RCAN1: variants seen among roughly 807,000 people sequenced by gnomAD.
The protein encoded by RCAN1 is calcipressin-1.
RCAN1 carries 11 observed loss-of-function variants against 22.9 expected under a neutral mutation model. The ratio of observed to expected loss-of-function variants is 0.48; its 90% confidence interval spans 0.30 to 0.79. The LOEUF (loss-of-function observed/expected upper bound fraction) is 0.79. Among genes scored for constraint, RCAN1 ranks in the 30% least tolerant of loss-of-function variants. The probability of loss-of-function intolerance (pLI) is 0.06; values close to 1 mark genes in which losing one functional copy is unlikely to be tolerated. For missense variants in RCAN1, 291 were observed against 337.8 expected, an observed-to-expected ratio of 0.86 and a Z score of 1.09; for synonymous variants, 136 against 142.3, an observed-to-expected ratio of 0.96 and a Z score of 0.32.
At chr21:34,576,379 T>C (rs2123690495) in intron 1 of RCAN1, among the ~76,000 whole-genome samples, 1 of 152,278 alleles carries the variant, frequency 6.6e-6, no homozygotes, top group Non-Finnish European at 1.5e-5. Context: ...ACGGCAGGGA[T>C]CTGGACAGCT....
chr21:34,551,904 T>G (rs1265489862), intron 1 of RCAN1, among the ~76,000 whole-genome samples: 1 of 152,156 alleles, frequency 6.6e-6, no homozygotes, highest in Non-Finnish European at 1.5e-5. Flanking sequence ...GTCCAGTCAA[T>G]GGAGAAAGGA....
At chr21:34,610,316 A>C (rs545115073) in intron 1 of RCAN1, among the ~76,000 whole-genome samples, 163 of 152,332 alleles carry the variant, frequency 1.1e-3, no homozygotes, top group African/African-American at 3.8e-3. Flanking sequence ...GGCCAAGTGC[A>C]TGATCTGCCG....
At chr21:34,547,523 A>C (rs1048748453) in intron 1 of RCAN1, among the ~76,000 whole-genome samples, 26 of 152,230 alleles carry the variant, frequency 1.7e-4, no homozygotes, top group Admixed American at 5.2e-4. Flanking sequence ...CCTAACACCC[A>C]GTGCAATGGT....
chr21:34,531,071 GT>G (rs2123602903), intron 1 of RCAN1, among the ~76,000 whole-genome samples: 1 of 152,280 alleles, frequency 6.6e-6, no homozygotes, highest in Admixed American at 6.5e-5. Context: ...TAAGGAGAAG[GT>G]TCTTATTCTC....
chr21:34,593,516 C>T (rs762980068), intron 1 of RCAN1, among the ~76,000 whole-genome samples: 1 of 152,232 alleles, frequency 6.6e-6, no homozygotes, highest in African/African-American at 2.4e-5. Flanking sequence ...GGCTAGCACA[C>T]CTGCCACCTT....
Position 34,518,633 on chromosome 21 carries a change from T to A in RCAN1, c.587-377A>T, listed in dbSNP as rs1984229724. On this transcript the variant is annotated intron_variant, in intron 3 of 3. Coordinates refer to ENST00000313806, the MANE Select transcript of RCAN1 (RefSeq NM_004414.7). The surrounding 1 kb of genome is among the most constrained non-coding windows in gnomAD (Gnocchi z 4.2). ...AACTTCGGTTCAGGAAAAAGATGGA[T>A]GAAGAAACGTATTTGGAAACAGAAC... 6.6e-6 allele frequency among the ~76,000 whole-genome samples: 1 copy of A among 152,200 alleles called. No homozygotes were observed. Among genetic ancestry groups the A allele is most frequent in the Non-Finnish European group, 1.5e-5 (1 of 68,030 alleles).
rs543543325 is a variant in RCAN1 at position 34,563,819 on chromosome 21, A to AGAGAGAGAGAGAGG, written c.253-40110_253-40109insCCTCTCTCTCTCTC. ...TAGAGAGAGAGAGAGAGAGAGAGAG[A>AGAGAGAGAGAGAGG]GGCAGGCATGGTGGCAGGTGCCTAT... On this transcript the variant is annotated intron_variant, in intron 1 of 3. Coordinates refer to ENST00000313806, the MANE Select transcript of RCAN1 (RefSeq NM_004414.7). 7.2e-5 allele frequency among the ~76,000 whole-genome samples: 10 copies of AGAGAGAGAGAGAGG among 138,784 alleles called. No individual in the cohort carries two copies. The South Asian group carries it at 1.2e-3, about 17-fold the overall frequency. 91.0% of individuals were successfully genotyped at this position (138,784 alleles called of 152,430 possible).
chr21:34,614,638 G>A lies in RCAN1; in HGVS notation c.252+122C>T, dbSNP rs1188978578. The stretch of plus-strand genomic sequence containing the variant: ...TGACGGGTCCGCGGCCGAGCAGCCC[G>A]GGGGACGTCGCTGCCTCCCCGCCCC... On this transcript the variant is annotated intron_variant, in intron 1 of 3. Transcript: ENST00000313806. This position sits in a 1 kb window ranked among gnomAD's most constrained non-coding sequence, Gnocchi z 6.0. 8 of 1,112,682 alleles carry A rather than the reference G, an allele frequency of 7.2e-6. No individual in the cohort carries two copies. The highest frequency in any genetic ancestry group is 8.9e-6 in the Non-Finnish European group (8 of 902,210). 68.9% of individuals were successfully genotyped at this position (1,112,682 alleles called of 1,614,324 possible). A position where few individuals can be genotyped will look rare whatever the true frequency, so the allele number is the denominator to read the frequency against.
chr21:34,604,155 A>G (rs1988449621), intron 1 of RCAN1, among the ~76,000 whole-genome samples: 1 of 152,006 alleles, frequency 6.6e-6, no homozygotes, highest in Non-Finnish European at 1.5e-5. Context: ...TTTCTTTTTG[A>G]GACACAGCTC....
intron 1 of RCAN1, among the ~76,000 whole-genome samples, chr21:34,562,183 G>A (rs1336785151): frequency 1.3e-5 from 2 of 152,124 alleles, no homozygotes; most frequent in Non-Finnish European, 2.9e-5. Flanking sequence ...TTTCCTTCAG[G>A]GGCAATTTCT....
At chr21:34,521,317 G>T in intron 3 of RCAN1, 182 bp downstream of exon 3, 1 of 1,483,998 alleles carries the variant, frequency 6.7e-7, no homozygotes, top group African/African-American at 1.4e-5. Context: ...ACTGCAGGTG[G>T]TGCCAAGAGG....
chr21:34,598,812 G>A (rs755859304), intron 1 of RCAN1, among the ~76,000 whole-genome samples: 1 of 152,038 alleles, frequency 6.6e-6, no homozygotes, highest in African/African-American at 2.4e-5. Context: ...AAGTACAGAC[G>A]ATAAACTCAC....
intron 1 of RCAN1, among the ~76,000 whole-genome samples, chr21:34,531,060 C>T (rs1484490788): frequency 1.3e-5 from 2 of 152,200 alleles, no homozygotes; most frequent in Admixed American, 6.5e-5. Flanking sequence ...GCATTATTAA[C>T]TAAGGAGAAG....
chr21:34,520,043 C>T (rs566775528), intron 3 of RCAN1, among the ~76,000 whole-genome samples: 2 of 152,114 alleles, frequency 1.3e-5, no homozygotes, highest in African/African-American at 2.4e-5. Context: ...TACTAATCAT[C>T]GAAAATCCAG....
intron 3 of RCAN1, among the ~76,000 whole-genome samples, chr21:34,520,142 C>T (rs1338171856): frequency 2.0e-5 from 3 of 152,236 alleles, no homozygotes; most frequent in Non-Finnish European, 4.4e-5. Flanking sequence ...CTCACTCAAG[C>T]TCACTGTTAA....
intron 1 of RCAN1, among the ~76,000 whole-genome samples, chr21:34,546,702 G>A (rs927204005): frequency 4.6e-5 from 7 of 152,284 alleles, no homozygotes; most frequent in South Asian, 2.1e-4. Flanking sequence ...AACATCCACC[G>A]TACCAGGAAC....
At chr21:34,588,110 C>G (rs1229332151) in intron 1 of RCAN1, among the ~76,000 whole-genome samples, 1 of 152,230 alleles carries the variant, frequency 6.6e-6, no homozygotes, top group Non-Finnish European at 1.5e-5. Context: ...TCCCTATATA[C>G]ATATACATCC....
chr21:34,555,223 A>G (rs907370482), intron 1 of RCAN1, among the ~76,000 whole-genome samples: 1 of 152,230 alleles, frequency 6.6e-6, no homozygotes, highest in African/African-American at 2.4e-5. Context: ...AAATGCAGTG[A>G]GTGCCTCTTA....
intron 1 of RCAN1, among the ~76,000 whole-genome samples, chr21:34,567,567 AAAAG>A (rs1195841728): frequency 6.6e-6 from 1 of 152,020 alleles, no homozygotes. Context: ...AAAAAAAAAA[AAAAG>A]AAAGAAACTC....
Sources: gnomAD v4.1 joint callset for allele counts (sites outside exome capture counted in the v4.1 genomes callset) on GRCh38, gnomAD v4.1.1 for gene constraint, Gnocchi (gnomAD v3.1) non-coding constraint, MANE v1.5 for transcripts, NCBI Gene and HGNC (gene_info 2026-07-23, HGNC 2026-07-21) for gene names.